The following OGA variants were observed in gnomAD, a reference collection of about 807,000 sequenced individuals.
OGA encodes the protein O-GlcNAcase, also known as protein O-GlcNAcase.
In OGA, 21 loss-of-function variants were observed where a neutral mutation model predicts 102.0. The ratio of observed to expected loss-of-function variants is 0.21; its 90% CI spans 0.15 to 0.30. The LOEUF is 0.30. OGA is among the 10% of genes least tolerant of loss of function. The pLI is 1.00. For synonymous variants in OGA, 408 were observed against 378.2 expected, an observed-to-expected ratio of 1.08 and a Z score of -0.91; for missense variants, 765 against 1,107.8, an observed-to-expected ratio of 0.69 and a Z score of 4.39.
rs1445573383 is a variant in OGA at position 101,800,307 on chromosome 10, T to C, written c.1130A>G (p.Gln377Arg). 1 of 1,613,948 alleles carries C rather than the reference T, an allele frequency of 6.2e-7. No homozygotes were observed. Among genetic ancestry groups the C allele is most frequent in the East Asian group, 2.2e-5 (1 of 44,888 alleles). The change falls in exon 8 of 16, where the codon CAG becomes CGG. Residue 377 changes from glutamine (Q) to arginine (R), a missense_variant. Physicochemically the swap from Gln to Arg is conservative, Grantham distance 43 (BLOSUM62 1). Coordinates refer to ENST00000361464, the MANE Select transcript of OGA (RefSeq NM_012215.5). ...TGTTAATGCTAGCTTTAGAGCCATC[T>C]GTGGACTATAGAGTACATCAGTTTC... ...DIETDVLYSP[Q>R]MALKLALTEW...
At chr10:101,811,938 T>C (rs1011769788) in intron 3 of OGA, among the ~76,000 whole-genome samples, 9 of 152,182 alleles carry the variant, frequency 5.9e-5, no homozygotes, top group Non-Finnish European at 1.2e-4. Context: ...TTAAGTTTCA[T>C]TACCAGCACC....
chr10:101,795,139 C>T (rs1171171180), intron 10 of OGA, among the ~76,000 whole-genome samples: 1 of 152,126 alleles, frequency 6.6e-6, no homozygotes, highest in Non-Finnish European at 1.5e-5. Context: ...TGTCCCATTC[C>T]GTAACTCAGT....
At chr10:101,814,551 T>C (rs986766620) in intron 1 of OGA, among the ~76,000 whole-genome samples, 20 of 152,120 alleles carry the variant, frequency 1.3e-4, no homozygotes, top group Non-Finnish European at 1.5e-4. Flanking sequence ...ATCCGCGCCA[T>C]TGCATTCCAG....
At chr10:101,806,960 A>G (rs1490110780) in intron 5 of OGA, among the ~76,000 whole-genome samples, 2 of 152,174 alleles carry the variant, frequency 1.3e-5, no homozygotes, top group Admixed American at 6.5e-5. Context: ...TAAATAAATA[A>G]TACAAACTTA....
At position 101,818,329 on chromosome 10, in the gene OGA, C is replaced by T. The variant is rs191832122; in HGVS notation, c.-307G>A. The T allele has an allele frequency of 4.3e-5, 50 of 1,169,868 alleles. No individual in the cohort carries two copies. Among genetic ancestry groups the T allele is most frequent in the Middle Eastern group, 3.5e-4 (1 of 2,884 alleles). 72.5% of individuals were successfully genotyped at this position (1,169,868 alleles called of 1,614,324 possible). ...GGAAGAAGACGGCCAAGGGTCCTGT[C>T]CTCGTTCTCTGCCTCTGCTGCCCTC... On this transcript the variant is annotated 5_prime_UTR_variant, in exon 1 of 16. Coordinates refer to ENST00000361464, the MANE Select transcript of OGA (RefSeq NM_012215.5).
intron 14 of OGA, among the ~76,000 whole-genome samples, chr10:101,788,672 T>G (rs546685485): frequency 5.9e-4 from 89 of 151,216 alleles, no homozygotes; most frequent in African/African-American, 2.1e-3. Context: ...GAGGCGGAGG[T>G]TGCAGTGAGC....
At chr10:101,815,851 AAG>A (rs2065614810) in intron 1 of OGA, among the ~76,000 whole-genome samples, 1 of 151,808 alleles carries the variant, frequency 6.6e-6, no homozygotes, top group Non-Finnish European at 1.5e-5. Context: ...GTTAAAAACC[AAG>A]AGAGTTTTGT....
Position 101,792,874 on chromosome 10 carries a change from C to T in OGA, c.2140G>A (p.Val714Ile), listed in dbSNP as rs144130241. 74 of 1,612,520 alleles carry T rather than the reference C, an allele frequency of 4.6e-5. No homozygotes were observed. The highest frequency in any genetic ancestry group is 5.9e-5 in the Non-Finnish European group (69 of 1,178,770). The change falls in exon 12 of 16, where the codon GTT (valine) becomes ATT (isoleucine). Residue 714 changes from valine to isoleucine, a missense_variant. Coordinates refer to ENST00000361464, the MANE Select transcript of OGA (RefSeq NM_012215.5). ...GGAAAATAAGGTCTGATAGTATAAACTTTGGAGGTAGGAGTCAGTGGAGGT... is the reference window on the plus strand; with the variant it reads ...GGAAAATAAGGTCTGATAGTATAAATTTTGGAGGTAGGAGTCAGTGGAGGT... ...QPPPLTPTSK[V>I]YTIRPYFPKD...
In OGA at chr10:101,803,872, G is replaced by C; in HGVS notation, c.899C>G (p.Ser300Cys). Residue 300 changes from serine to cysteine, a missense_variant, in exon 7 of 16, where the codon TCC becomes TGC. Ser to Cys is a moderately radical substitution (Grantham distance 112, BLOSUM62 -1). Transcript: ENST00000361464. ...RLFLGPYKGR[S>C]TELIPRLKGV... ...TTTTAACCGTGGGATGAGTTCTGTG[G>C]ATCTTCCTTTGTACGGGCCCAGAAA... is the stretch of plus-strand genomic sequence containing the variant. 3 of 1,614,170 alleles carry C rather than the reference G, an allele frequency of 1.9e-6. No homozygotes were observed. The East Asian group carries it at 6.7e-5, about 36-fold the overall frequency.
intron 5 of OGA, among the ~76,000 whole-genome samples, chr10:101,806,499 T>C (rs570799700): frequency 4.6e-5 from 7 of 152,284 alleles, no homozygotes; most frequent in African/African-American, 1.7e-4. Flanking sequence ...GTGGAAAAAA[T>C]GTCTGCCAAT....
Position 101,813,623 on chromosome 10 carries a change from A to G in OGA, c.200-17T>C. 1 of 1,484,630 alleles carries G rather than the reference A, an allele frequency of 6.7e-7. No individual in the cohort carries two copies. The highest frequency in any genetic ancestry group is 9.3e-7 in the Non-Finnish European group (1 of 1,074,968). 92.0% of individuals were successfully genotyped at this position (1,484,630 alleles called of 1,614,324 possible). ...CATAAAATCCTAGATTCAAAGTAAG[A>G]ATGAAATTATATTCAGTTTTAAAAT... On this transcript the variant is annotated splice_polypyrimidine_tract_variant and intron_variant, in intron 1 of 15. Coordinates refer to ENST00000361464, the MANE Select transcript of OGA (RefSeq NM_012215.5).
At chr10:101,804,127 T>C (rs2065435003) in intron 6 of OGA, 108 bp from the exon 7 acceptor site, 1 of 1,005,590 alleles carries the variant, frequency 9.9e-7, no homozygotes, top group Admixed American at 2.3e-5. Context: ...GGCAGATCAT[T>C]TGAGCCCAGG....
intron 1 of OGA, among the ~76,000 whole-genome samples, chr10:101,813,907 A>C (rs2065588804): frequency 6.6e-6 from 1 of 152,210 alleles, no homozygotes. Flanking sequence ...CTGTTGATAA[A>C]GTCCAAATAT....
At chr10:101,816,313 T>C (rs2065624418) in intron 1 of OGA, among the ~76,000 whole-genome samples, 2 of 152,084 alleles carry the variant, frequency 1.3e-5, no homozygotes, top group Non-Finnish European at 2.9e-5. Flanking sequence ...GCTCAGGTGC[T>C]CAGTCACTAA....
At chr10:101,790,817 G>GT in intron 14 of OGA, 79 bp downstream of exon 14, 2 of 1,067,954 alleles carry the variant, frequency 1.9e-6, no homozygotes, top group Non-Finnish European at 2.6e-6. Context: ...TTCCATTTTA[G>GT]TAAGTACTTT....
intron 14 of OGA, 40 bp from the exon 15 acceptor site, chr10:101,787,563 G>A (rs376183309): frequency 5.7e-5 from 88 of 1,545,564 alleles, no homozygotes; most frequent in South Asian, 1.4e-4. Flanking sequence ...CAATAGTTAC[G>A]CATTAGATAT....
In OGA at chr10:101,799,037, A is replaced by T. The variant is rs754951669; in HGVS notation, c.1614T>A (p.Phe538Leu). Residue 538 changes from phenylalanine (F) to leucine (L), a missense_variant, in exon 9 of 16, where the codon TTT becomes TTA. By Grantham distance (22) the Phe-to-Leu change is conservative. Coordinates refer to ENST00000361464, the MANE Select transcript of OGA (RefSeq NM_012215.5). ...QTDEQTNKEQFVPGPNEKPLY... is the reference protein window; with the variant it reads ...QTDEQTNKEQLVPGPNEKPLY... ...AAGGCTTTTCATTTGGACCTGGCAC[A>T]AACTGCTCCTTGTTTGTCTGTTCAT... The T allele has an allele frequency of 1.2e-5, 19 of 1,614,106 alleles. No homozygotes were observed. Among genetic ancestry groups the T allele is most frequent in the Non-Finnish European group, 1.6e-5 (19 of 1,180,054 alleles).
intron 14 of OGA, among the ~76,000 whole-genome samples, chr10:101,788,178 C>G (rs554604614): frequency 1.3e-5 from 2 of 150,990 alleles, no homozygotes; most frequent in East Asian, 3.9e-4. Context: ...TAGCTCACGC[C>G]TGTAATCCTA....
intron 7 of OGA, among the ~76,000 whole-genome samples, chr10:101,802,768 A>G (rs2065411090): frequency 6.6e-6 from 1 of 152,094 alleles, no homozygotes; most frequent in African/African-American, 2.4e-5. Flanking sequence ...ATAATTATCA[A>G]GCACCTTACT....
Sources: allele counts gnomAD v4.1 joint callset (sites outside exome capture counted in the v4.1 genomes callset), GRCh38; gene constraint gnomAD v4.1.1; transcripts MANE v1.5; gene names NCBI Gene and HGNC (gene_info 2026-07-23, HGNC 2026-07-21).